EDA: variants seen among roughly 807,000 people sequenced by gnomAD.
EDA encodes ectodysplasin A, also known as ectodysplasin-A.
EDA carries 2 observed loss-of-function variants against 23.6 expected under a neutral mutation model. That is an observed-to-expected ratio of 0.08 (90% CI 0.03 to 0.27). The LOEUF (loss-of-function observed/expected upper bound fraction) is 0.27. EDA is among the 10% of genes least tolerant of loss of function. EDA has a pLI of 1.00. For missense variants in EDA, 229 were observed against 324.2 expected, an observed-to-expected ratio of 0.71 and a Z score of 2.26; for synonymous variants, 131 against 132.0, an observed-to-expected ratio of 0.99 and a Z score of 0.05.
intron 1 of EDA, among the ~76,000 whole-genome samples, chrX:69,717,295 A>G (rs2012377432): frequency 1.8e-5 from 2 of 111,379 alleles, no homozygotes; most frequent in Admixed American, 9.6e-5. Context: ...ACAGCATTTT[A>G]TAATGTTCAG....
Position 69,654,578 on chromosome X carries a change from G to A in EDA, c.396+37874G>A, listed in dbSNP as rs1337604170. ...TCCAACAACGATAGACTGGATTAAG[G>A]AAATGTGGCACATATACACCATGGA... On this transcript the variant is annotated intron_variant, in intron 1 of 7. Transcript: ENST00000374552. Among the ~76,000 whole-genome samples the A allele has an allele frequency of 3.6e-5, 4 of 111,594 alleles. No homozygotes were observed. In the East Asian group the frequency reaches 8.4e-4, roughly 23 times the overall value.
chrX:69,783,087 T>C (rs929467806), intron 1 of EDA, among the ~76,000 whole-genome samples: 1 of 111,620 alleles, frequency 9.0e-6, no homozygotes, highest in African/African-American at 3.3e-5. Context: ...GAAAAGGAAT[T>C]AACATCAGTA....
rs138373102 is a variant in EDA, at chrX:70,008,819, A to C, written c.503-14399A>C. Among the ~76,000 whole-genome samples, 705 of 111,552 alleles carry C rather than the reference A, an allele frequency of 6.3e-3. 1 individual carries two copies. The highest frequency in any genetic ancestry group is 0.011 in the Non-Finnish European group (576 of 53,069). On this transcript the variant is annotated intron_variant, in intron 2 of 7. Transcript: ENST00000374552. ...TCTCATCACCCAGGTAGTGCCTCTG[A>C]TTTTAGTTTTTGAAACAGACTGTAG...
intron 1 of EDA, among the ~76,000 whole-genome samples, chrX:69,686,668 CATTTA>C (rs992754219): frequency 1.8e-5 from 2 of 111,505 alleles, no homozygotes; most frequent in African/African-American, 6.5e-5. Context: ...CTGGACATTT[CATTTA>C]AGTGGAATCA....
In EDA at chrX:69,778,474, C is replaced by T. The variant is rs1486340426; in HGVS notation, c.396+161770C>T. On this transcript the variant is annotated intron_variant, in intron 1 of 7. Coordinates refer to ENST00000374552, the MANE Select transcript of EDA (RefSeq NM_001399.5). ...AGAACGTACTTGTTAAATGTCTCCT[C>T]CATAAGCTATTTGGACAGTTCTGCC... Among the ~76,000 whole-genome samples the T allele has an allele frequency of 3.6e-5, 4 of 111,872 alleles. No individual in the cohort carries two copies. In the Admixed American group the frequency reaches 3.8e-4, roughly 11 times the overall value.
intron 1 of EDA, among the ~76,000 whole-genome samples, chrX:69,854,843 A>G (rs1331591316): frequency 8.9e-6 from 1 of 112,334 alleles, no homozygotes; most frequent in Non-Finnish European, 1.9e-5. Context: ...TTGCTGGGTC[A>G]AATGTATTTC....
At chrX:69,934,764 TG>T (rs1316011898) in intron 1 of EDA, among the ~76,000 whole-genome samples, 1 of 111,969 alleles carries the variant, frequency 8.9e-6, no homozygotes, top group Non-Finnish European at 1.9e-5. Context: ...ATCCCTTCTT[TG>T]TATTGCAAAC....
chrX:70,035,328 C>T, intron 7 of EDA, 30 bp from the exon 8 acceptor site: 2 of 1,204,351 alleles, frequency 1.7e-6, no homozygotes, highest in Non-Finnish European at 2.2e-6. Flanking sequence ...TCCTCTCTTC[C>T]CCAATCCCTT....
At chrX:70,002,168 C>T (rs992570425) in intron 2 of EDA, among the ~76,000 whole-genome samples, 1 of 111,809 alleles carries the variant, frequency 8.9e-6, no homozygotes, top group Non-Finnish European at 1.9e-5. Flanking sequence ...CTGTATCATT[C>T]TCCATGAGGG....
intron 1 of EDA, among the ~76,000 whole-genome samples, chrX:69,872,996 G>A (rs1269105172): frequency 9.0e-6 from 1 of 110,816 alleles, no homozygotes; most frequent in Non-Finnish European, 1.9e-5. Flanking sequence ...CCATATGATA[G>A]GCCAAAAAAA....
chrX:69,665,207 GT>G (rs1933640807), intron 1 of EDA, among the ~76,000 whole-genome samples: 1 of 112,112 alleles, frequency 8.9e-6, no homozygotes, highest in African/African-American at 3.2e-5. Flanking sequence ...CATTTTGGAT[GT>G]TAATCTCTTG....
At chrX:69,864,716 C>A (rs2017455997) in intron 1 of EDA, among the ~76,000 whole-genome samples, 1 of 112,117 alleles carries the variant, frequency 8.9e-6, no homozygotes, top group Non-Finnish European at 1.9e-5. Context: ...CATGGCCAGG[C>A]ACAGTGGCTC....
At chrX:69,623,413 T>A (rs1356329480) in intron 1 of EDA, among the ~76,000 whole-genome samples, 4 of 111,552 alleles carry the variant, frequency 3.6e-5, no homozygotes, top group Non-Finnish European at 3.8e-5. Context: ...CTTGGACCTA[T>A]TTTATAAGGA....
chrX:69,720,692 T>C (rs2012547197), intron 1 of EDA, among the ~76,000 whole-genome samples: 1 of 112,580 alleles, frequency 8.9e-6, no homozygotes, highest in Non-Finnish European at 1.9e-5. Flanking sequence ...TTCTCAGTTA[T>C]AGAGTTTCCA....
intron 2 of EDA, among the ~76,000 whole-genome samples, chrX:69,987,888 T>C (rs922268775): frequency 1.8e-5 from 2 of 111,489 alleles, no homozygotes; most frequent in Admixed American, 9.5e-5. Flanking sequence ...ATGGTGCTCC[T>C]ATTCTCCTGC....
Position 69,964,378 on chromosome X carries a change from A to G in EDA, c.502+7246A>G, listed in dbSNP as rs144801562. ...AGAAAACTATACTGAGGAAGGTACT[A>G]TTACTGATGAGAGCATATCATATCC... On this transcript the variant is annotated intron_variant, in intron 2 of 7. Transcript: ENST00000374552. 5.5e-3 allele frequency among the ~76,000 whole-genome samples: 613 copies of G among 111,577 alleles called. 3 individuals are homozygous for G. The highest frequency in any genetic ancestry group is 8.4e-3 in the Non-Finnish European group (448 of 53,125).
At chrX:69,716,379 A>G (rs1345546070) in intron 1 of EDA, among the ~76,000 whole-genome samples, 1 of 111,503 alleles carries the variant, frequency 9.0e-6, no homozygotes, top group Non-Finnish European at 1.9e-5. Context: ...AGATAGTTGT[A>G]GGTGTGTGGC....
intron 1 of EDA, among the ~76,000 whole-genome samples, chrX:69,734,140 A>G (rs2013158840): frequency 8.9e-6 from 1 of 111,759 alleles, no homozygotes; most frequent in South Asian, 3.7e-4. Context: ...TATTCAGATT[A>G]TCTATTTTTT....
intron 1 of EDA, among the ~76,000 whole-genome samples, chrX:69,955,644 T>C (rs956582986): frequency 3.6e-5 from 4 of 111,993 alleles, no homozygotes; most frequent in Non-Finnish European, 7.5e-5. Context: ...AAATTAACCA[T>C]TCTATTTTGA....
Sources: gnomAD v4.1 joint callset for allele counts (sites outside exome capture counted in the v4.1 genomes callset) on GRCh38, gnomAD v4.1.1 for gene constraint, MANE v1.5 for transcripts, NCBI Gene and HGNC (gene_info 2026-07-23, HGNC 2026-07-21) for gene names.